The following CAST variants were observed in gnomAD, a reference collection of about 807,000 sequenced individuals.
The protein encoded by CAST is MIR583 host.
CAST carries 76 observed loss-of-function variants against 119.6 expected under a neutral mutation model. The observed-to-expected ratio is 0.64, with a 90% CI of 0.53 to 0.77. CAST has a LOEUF of 0.77. Ranked by LOEUF, CAST falls within the 30% of genes least tolerant of loss-of-function variation. CAST has a pLI of 0.00. For synonymous variants in CAST, 319 were observed against 331.6 expected (o/e 0.96, Z 0.41); for missense variants, 953 against 946.5 (o/e 1.01, Z -0.09).
chr5:96,065,713 C>T, the CAST span, among the ~76,000 whole-genome samples: 1 of 152,094 alleles, frequency 6.6e-6, no homozygotes, highest in South Asian at 2.1e-4. Flanking sequence ...ATCTTTTAAA[C>T]CCTGGTTTAG....
intron 30 of CAST, 33 bp downstream of exon 30, chr5:96,770,635 T>A (rs780716163): frequency 7.2e-7 from 1 of 1,380,868 alleles, no homozygotes; most frequent in Non-Finnish European, 1.0e-6. Flanking sequence ...TACAAATTAG[T>A]TTAGCAGTTA....
chr5:96,508,578 G>A, the CAST span, among the ~76,000 whole-genome samples: 1 of 152,114 alleles, frequency 6.6e-6, no homozygotes, highest in Admixed American at 6.6e-5. Flanking sequence ...CCCTAGATAT[G>A]TGATTGGGAG....
chr5:96,723,821 G>T (rs1319069951), intron 4 of CAST, among the ~76,000 whole-genome samples: 1 of 152,076 alleles, frequency 6.6e-6, no homozygotes, highest in Non-Finnish European at 1.5e-5. Context: ...TTATTAAATT[G>T]CCCTTGTTTA....
At chr5:96,283,074 G>A in the CAST span, among the ~76,000 whole-genome samples, 1 of 144,638 alleles carries the variant, frequency 6.9e-6, no homozygotes, top group South Asian at 2.2e-4. Context: ...AGCTTGCAGT[G>A]AGCCGAGATT....
chr5:96,136,593 A>C, the CAST span, among the ~76,000 whole-genome samples: 1 of 152,190 alleles, frequency 6.6e-6, no homozygotes, highest in Non-Finnish European at 1.5e-5. Flanking sequence ...AAACAAGGAA[A>C]TGTATCTATA....
the CAST span, among the ~76,000 whole-genome samples, chr5:96,245,030 A>G: frequency 2.6e-5 from 4 of 152,196 alleles, no homozygotes; most frequent in Admixed American, 2.6e-4. Context: ...GAGGTAATCC[A>G]CTCACAATTT....
the CAST span, among the ~76,000 whole-genome samples, chr5:96,056,270 A>G: frequency 2.6e-5 from 4 of 152,216 alleles, no homozygotes; most frequent in African/African-American, 9.6e-5. Flanking sequence ...TTTCAAAAAC[A>G]AATGTATCTT....
chr5:96,131,145 G>A, the CAST span, among the ~76,000 whole-genome samples: 1 of 151,956 alleles, frequency 6.6e-6, no homozygotes, highest in Admixed American at 6.6e-5. Flanking sequence ...CATCAATAGG[G>A]TAATGGTTAA....
the CAST span, among the ~76,000 whole-genome samples, chr5:96,299,940 C>A: frequency 1.3e-5 from 2 of 152,172 alleles, no homozygotes; most frequent in South Asian, 2.1e-4. Flanking sequence ...AGGTTCCTTG[C>A]ACATTTCTTT....
chr5:96,644,627 A>C (rs1004365244), intron 1 of CAST, among the ~76,000 whole-genome samples: 1 of 152,208 alleles, frequency 6.6e-6, no homozygotes, highest in Admixed American at 6.5e-5. Context: ...ATCATCTTAC[A>C]TTATGGTGAT....
intron 1 of CAST, among the ~76,000 whole-genome samples, chr5:96,544,683 A>G (rs1296550199): frequency 2.0e-5 from 3 of 152,116 alleles, no homozygotes; most frequent in African/African-American, 7.2e-5. Context: ...CAAAACCACA[A>G]AAGATAAAAG....
At chr5:96,591,867 T>C (rs1046550871) in intron 1 of CAST, among the ~76,000 whole-genome samples, 6 of 152,204 alleles carry the variant, frequency 3.9e-5, no homozygotes, top group South Asian at 2.1e-4. Context: ...GAAAAACTTA[T>C]CTAACAAGAC....
the CAST span, among the ~76,000 whole-genome samples, chr5:96,257,909 C>T: frequency 6.6e-6 from 1 of 152,156 alleles, no homozygotes; most frequent in Non-Finnish European, 1.5e-5. Context: ...ACTAAAAACT[C>T]TGTGTGATAA....
At chr5:96,020,090 A>G in the CAST span, among the ~76,000 whole-genome samples, 2 of 152,218 alleles carry the variant, frequency 1.3e-5, no homozygotes, top group Non-Finnish European at 2.9e-5. Context: ...TTACATATAA[A>G]GAAACTAAGG....
chr5:96,107,519 A>AATTCT, the CAST span, among the ~76,000 whole-genome samples: 1 of 152,004 alleles, frequency 6.6e-6, no homozygotes, highest in Non-Finnish European at 1.5e-5. Flanking sequence ...CTGGGTTGAA[A>AATTCT]ATTCTTTTCT....
At chr5:96,450,173 G>A in the CAST span, among the ~76,000 whole-genome samples, 4,716 of 152,252 alleles carry the variant, frequency 0.031, 222 homozygotes, top group African/African-American at 0.1. Flanking sequence ...ATCAAGAGAT[G>A]ACGACTGGAT....
the CAST span, among the ~76,000 whole-genome samples, chr5:96,311,023 G>GT: frequency 1.3e-5 from 2 of 151,698 alleles, no homozygotes; most frequent in Non-Finnish European, 2.9e-5. Context: ...CAACATTGTT[G>GT]TTTTTTTGCT....
chr5:96,534,265 T>A (rs557846717), intron 1 of CAST, among the ~76,000 whole-genome samples: 1 of 152,252 alleles, frequency 6.6e-6, no homozygotes, highest in East Asian at 1.9e-4. Flanking sequence ...CGAGCAAAAA[T>A]CTATTTAAAG....
chr5:96,333,365 G>A, the CAST span, among the ~76,000 whole-genome samples: 2 of 152,110 alleles, frequency 1.3e-5, no homozygotes, highest in Non-Finnish European at 2.9e-5. Flanking sequence ...ACCAGAATGA[G>A]CAGCCTTTTC....
Sources: gnomAD v4.1 joint callset for allele counts (sites outside exome capture counted in the v4.1 genomes callset) on GRCh38, gnomAD v4.1.1 for gene constraint, MANE v1.5 for transcripts, NCBI Gene and HGNC (gene_info 2026-07-23, HGNC 2026-07-21) for gene names.